The following THSD7B variants were observed in gnomAD, a reference collection of about 807,000 sequenced individuals.
THSD7B encodes thrombospondin type-1 domain-containing protein 7B.
A neutral mutation model predicts 213.6 loss-of-function variants in THSD7B; 138 were observed. The observed-to-expected ratio is 0.65, with a 90% CI of 0.56 to 0.74. The LOEUF is 0.74. Ranked by LOEUF, THSD7B falls within the 30% of genes least tolerant of loss-of-function variation. THSD7B has a pLI of 0.00. For missense variants in THSD7B, 1,931 were observed against 1,991.5 expected (o/e 0.97, Z 0.58); for synonymous variants, 742 against 687.0 (o/e 1.08, Z -1.25).
At chr2:137,313,569 T>G (rs1461181776) in intron 12 of THSD7B, among the ~76,000 whole-genome samples, 5,807 of 147,462 alleles carry the variant, frequency 0.039, 156 homozygotes, top group East Asian at 0.072. Flanking sequence ...CTGGTGATTT[T>G]GCTCATTAGT....
intron 7 of THSD7B, among the ~76,000 whole-genome samples, chr2:137,205,167 T>C (rs1680958812): frequency 6.6e-6 from 1 of 152,074 alleles, no homozygotes; most frequent in South Asian, 2.1e-4. Context: ...AATGCCAGTT[T>C]TGTTGCTGGA....
At chr2:137,394,716 G>T (rs1686130351) in intron 12 of THSD7B, among the ~76,000 whole-genome samples, 1 of 138,700 alleles carries the variant, frequency 7.2e-6, no homozygotes, top group East Asian at 2.0e-4. Context: ...TTGGTAGCTT[G>T]ATGGGGATGG....
intron 1 of THSD7B, among the ~76,000 whole-genome samples, chr2:136,875,144 G>A (rs1183339619): frequency 6.6e-6 from 1 of 152,176 alleles, no homozygotes; most frequent in African/African-American, 2.4e-5. Context: ...ATTCTGGGCT[G>A]GGCACAGTGG....
chr2:137,117,574 A>G (rs759425573), intron 5 of THSD7B, among the ~76,000 whole-genome samples: 3 of 152,128 alleles, frequency 2.0e-5, no homozygotes, highest in Admixed American at 6.6e-5. Context: ...CATCCCCACA[A>G]GGTTAATCTT....
At chr2:137,390,746 A>G (rs1357560273) in intron 12 of THSD7B, among the ~76,000 whole-genome samples, 2 of 152,066 alleles carry the variant, frequency 1.3e-5, no homozygotes, top group Non-Finnish European at 2.9e-5. Flanking sequence ...TTATGAAGGG[A>G]TGCTGGATTT....
intron 14 of THSD7B, among the ~76,000 whole-genome samples, chr2:137,422,165 A>G (rs1198964886): frequency 1.3e-5 from 2 of 152,210 alleles, no homozygotes; most frequent in Admixed American, 6.5e-5. Flanking sequence ...AGGGGACTTT[A>G]TGTGAATTAT....
chr2:137,580,654 T>C (rs1167093578), intron 17 of THSD7B, among the ~76,000 whole-genome samples: 1 of 152,206 alleles, frequency 6.6e-6, no homozygotes, highest in African/African-American at 2.4e-5. Flanking sequence ...TGTAAAGAAA[T>C]ACCTGAGATT....
chr2:137,340,981 G>GT (rs70978213), intron 12 of THSD7B, among the ~76,000 whole-genome samples: 1,214 of 98,604 alleles, frequency 0.012, 20 homozygotes, highest in African/African-American at 0.038. Flanking sequence ...TTCTCTTTTT[G>GT]TTTTTTTTTT....
chr2:137,292,120 A>G (rs1683352706), intron 12 of THSD7B, among the ~76,000 whole-genome samples: 1 of 152,128 alleles, frequency 6.6e-6, no homozygotes, highest in Non-Finnish European at 1.5e-5. Context: ...TCTCATGATT[A>G]CACAGATCTA....
chr2:136,949,251 T>C (rs1323391560), intron 2 of THSD7B, among the ~76,000 whole-genome samples: 2 of 152,194 alleles, frequency 1.3e-5, no homozygotes, highest in African/African-American at 4.8e-5. Context: ...AGCCTTGCTT[T>C]CACCACAAAA....
intron 10 of THSD7B, among the ~76,000 whole-genome samples, chr2:137,249,336 A>G (rs568879702): frequency 6.6e-6 from 1 of 152,290 alleles, no homozygotes; most frequent in Admixed American, 6.5e-5. Flanking sequence ...AAAAAAAATA[A>G]CAACATTGCA....
At chr2:137,551,428 A>G (rs1680846024) in intron 15 of THSD7B, among the ~76,000 whole-genome samples, 2 of 152,138 alleles carry the variant, frequency 1.3e-5, no homozygotes, top group South Asian at 4.1e-4. Flanking sequence ...GATGGCACCA[A>G]CATGCCTCAG....
chr2:137,637,936 A>G (rs1255076201), intron 20 of THSD7B, among the ~76,000 whole-genome samples: 1 of 152,202 alleles, frequency 6.6e-6, no homozygotes, highest in Non-Finnish European at 1.5e-5. Flanking sequence ...CAAGAGAATA[A>G]ACATTAAAGT....
At chr2:136,805,948 A>G (rs1682272430) in intron 1 of THSD7B, among the ~76,000 whole-genome samples, 1 of 152,154 alleles carries the variant, frequency 6.6e-6, no homozygotes, top group African/African-American at 2.4e-5. Flanking sequence ...TAAAACCTTT[A>G]ATGAACTCTC....
chr2:137,393,983 C>T (rs1407848811), intron 12 of THSD7B, among the ~76,000 whole-genome samples: 3 of 136,014 alleles, frequency 2.2e-5, no homozygotes, highest in African/African-American at 8.1e-5. Flanking sequence ...CTGTTCATGT[C>T]CTTCACCCAC....
chr2:136,778,426 C>A (rs1425494685), intron 1 of THSD7B, among the ~76,000 whole-genome samples: 2 of 152,130 alleles, frequency 1.3e-5, no homozygotes, highest in Admixed American at 6.5e-5. Flanking sequence ...ATCATGTTCA[C>A]CCAGTCATAG....
At chr2:137,159,597 G>A (rs982748888) in intron 5 of THSD7B, among the ~76,000 whole-genome samples, 1 of 152,138 alleles carries the variant, frequency 6.6e-6, no homozygotes, top group African/African-American at 2.4e-5. Context: ...GTGCACACCA[G>A]GAAGAGACAG....
At chr2:136,950,183 C>T (rs150177614) in intron 2 of THSD7B, among the ~76,000 whole-genome samples, 6,255 of 152,112 alleles carry the variant, frequency 0.041, 271 homozygotes, top group African/African-American at 0.1. Context: ...ACCTGGAAGG[C>T]GGAGGTTGCA....
chr2:137,637,074 T>A (rs899820875), intron 20 of THSD7B, among the ~76,000 whole-genome samples: 1 of 152,216 alleles, frequency 6.6e-6, no homozygotes, highest in Admixed American at 6.5e-5. Flanking sequence ...TCCACTGCTT[T>A]CTCTCTCCCA....
Sources: gnomAD v4.1 joint callset for allele counts (sites outside exome capture counted in the v4.1 genomes callset) on GRCh38, gnomAD v4.1.1 for gene constraint, MANE v1.5 for transcripts, NCBI Gene and HGNC (gene_info 2026-07-23, HGNC 2026-07-21) for gene names.